NBPF20: variants seen among roughly 807,000 people sequenced by gnomAD.
The protein encoded by NBPF20 is NBPF family member NBPF20.
A neutral mutation model predicts 68.1 loss-of-function variants in NBPF20; 90 were observed. The ratio of observed to expected loss-of-function variants is 1.32; its 90% CI spans 1.11 to 1.58. The LOEUF is 1.58. Ranked by LOEUF, NBPF20 falls within the 40% of genes most tolerant of loss-of-function variation. The pLI is 0.00. For synonymous variants in NBPF20, 290 were observed against 228.1 expected, an observed-to-expected ratio of 1.27 and a Z score of -2.45; for missense variants, 816 against 601.2, an observed-to-expected ratio of 1.36 and a Z score of -3.74.
At position 145,402,462 on chromosome 1, in the gene NBPF20, T is replaced by C. The variant is rs1265399923; in HGVS notation, c.279-81A>G. ...AATATTGCAACAGAGATTTCTGAGATAATGTCCTCAAGGAGACCTCGAAGC... is the reference window on the plus strand; with the variant it reads ...AATATTGCAACAGAGATTTCTGAGACAATGTCCTCAAGGAGACCTCGAAGC... On this transcript the variant is annotated intron_variant, in intron 3 of 137. Transcript: ENST00000369373. 733 of 1,526,450 alleles carry C rather than the reference T, an allele frequency of 4.8e-4. 1 individual carries two copies. Among genetic ancestry groups the C allele is most frequent in the East Asian group, 3.0e-3 (134 of 44,464 alleles). 94.6% of individuals were successfully genotyped at this position (1,526,450 alleles called of 1,614,324 possible). A position where few individuals can be genotyped will look rare whatever the true frequency, so the allele number is the denominator to read the frequency against.
exon 138 of NBPF20, chr1:145,291,487 G>C (rs782065342): frequency 8.1e-6 from 13 of 1,611,886 alleles, no homozygotes; most frequent in African/African-American, 5.3e-5. Context: ...TATAGGTCCT[G>C]CCTGCAGGAA....
chr1:145,395,161 A>G lies in NBPF20; in HGVS notation c.828-20T>C, dbSNP rs1403409475. 7.0e-7 allele frequency: 1 copy of G among 1,420,804 alleles called. No homozygotes were observed. Among genetic ancestry groups the G allele is most frequent in the South Asian group, 1.2e-5 (1 of 86,462 alleles). The allele number at this position is 1,420,804 out of a possible 1,614,324, so 88.0% of individuals were successfully genotyped here. A position where few individuals can be genotyped will look rare whatever the true frequency, so the allele number is the denominator to read the frequency against. ...AGATTCCTGATGAGCCAGGCAGGAC[A>G]GGGATGATAGAAGATTTAACCAACA... On this transcript the variant is annotated intron_variant, in intron 7 of 137. Transcript: ENST00000369373.
At chr1:145,414,992 C>T in the NBPF20 span, among the ~76,000 whole-genome samples, 6 of 152,080 alleles carry the variant, frequency 3.9e-5, no homozygotes, top group African/African-American at 9.7e-5. Context: ...CCCAGGGGAC[C>T]GGCGTTCAGC....
At chr1:145,393,458 A>ACAAAC (rs1349838912) in intron 9 of NBPF20, among the ~76,000 whole-genome samples, 1 of 145,160 alleles carries the variant, frequency 6.9e-6, no homozygotes, top group African/African-American at 2.6e-5. Context: ...CACACACACA[A>ACAAAC]ACACACACAC....
At position 145,401,149 on chromosome 1, in the gene NBPF20, T is replaced by A; in HGVS notation, c.494-18A>T. The A allele has an allele frequency of 6.3e-7, 1 of 1,598,570 alleles. No homozygotes were observed. Among genetic ancestry groups the A allele is most frequent in the Non-Finnish European group, 8.5e-7 (1 of 1,175,858 alleles). ...GTCATTTTCTGTAAATACAGAAGTG[T>A]TCGTTCAGATATTTCCCACTTCACA... On this transcript the variant is annotated intron_variant, in intron 4 of 137. Coordinates refer to ENST00000369373, the Ensembl canonical transcript of NBPF20.
intron 7 of NBPF20, among the ~76,000 whole-genome samples, chr1:145,396,705 T>C (rs1462565939): frequency 1.5e-5 from 2 of 130,612 alleles, no homozygotes; most frequent in Non-Finnish European, 3.2e-5. Context: ...TTCAACATTC[T>C]TTTTTTTTTC....
At position 145,292,478 on chromosome 1, in the gene NBPF20, T is replaced by A. The variant is rs782115191; in HGVS notation, c.16600A>T (p.Lys5534Ter). The stretch of plus-strand genomic sequence containing the variant: ...CCCCTTCTTTTCTTCCCCTTCCCCT[T>A]CTTTTCAATTTCTGCAATAAATTCA... The change falls in exon 137 of 138, where the codon AAG becomes TAG. Residue 5534 changes from lysine to a stop codon, truncating the protein, a stop_gained. Coordinates refer to ENST00000369373, the Ensembl canonical transcript of NBPF20. LOFTEE classifies it high-confidence loss of function. 19 of 716,690 alleles carry A rather than the reference T, an allele frequency of 2.7e-5. No individual in the cohort carries two copies. The highest frequency in any genetic ancestry group is 1.2e-4 in the East Asian group (5 of 40,582). The allele number at this position is 716,690 out of a possible 1,614,324, so 44.4% of individuals were successfully genotyped here.
At chr1:145,289,907 G>A (rs1269854688) in exon 138 of NBPF20, 1 of 99,984 alleles carries the variant, frequency 1.0e-5, no homozygotes, top group Non-Finnish European at 1.9e-5. Flanking sequence ...ACATGGAAAT[G>A]AAATGTTTTT....
chr1:145,292,848 T>C (rs1661225287), intron 136 of NBPF20, among the ~76,000 whole-genome samples: 1 of 65,408 alleles, frequency 1.5e-5, no homozygotes, highest in Admixed American at 1.8e-4. Context: ...ACTCAGATTG[T>C]TCATGGTTGT....
At chr1:145,292,241 C>A (rs1344148746) in intron 137 of NBPF20, 140 bp downstream of exon 142, 2 of 656,010 alleles carry the variant, frequency 3.0e-6, no homozygotes, top group South Asian at 1.8e-5. Flanking sequence ...ACATCTACTG[C>A]AATGAAAACC....
intron 9 of NBPF20, among the ~76,000 whole-genome samples, chr1:145,393,499 C>G (rs1662036428): frequency 6.6e-6 from 1 of 150,580 alleles, no homozygotes; most frequent in Non-Finnish European, 1.5e-5. Context: ...ACAGAGCGAG[C>G]TCAGTGAATT....
exon 4 of NBPF20, chr1:145,402,232 T>A (rs1662555204): frequency 6.2e-7 from 1 of 1,606,960 alleles, no homozygotes; most frequent in South Asian, 1.1e-5. Context: ...TTCTTGGAGG[T>A]CCTGCCCCTG....
rs1424086818 is a variant in NBPF20 at position 145,292,286 on chromosome 1, T to A, written c.16697+95A>T. 4.6e-5 allele frequency: 28 copies of A among 609,230 alleles called. 3 individuals are homozygous for A. The African/African-American group carries it at 5.3e-4, about 12-fold the overall frequency. The allele number at this position is 609,230 out of a possible 1,614,324, so 37.7% of individuals were successfully genotyped here. The stretch of plus-strand genomic sequence containing the variant: ...GACAGTAGGAGTAATTCAGCCTTCG[T>A]TGAAAACATGACATCAAACACACTC... On this transcript the variant is annotated intron_variant, in intron 137 of 137. Transcript: ENST00000369373.
exon 138 of NBPF20, chr1:145,291,683 A>T (rs782515750): frequency 1.2e-6 from 2 of 1,611,902 alleles, no homozygotes; most frequent in South Asian, 2.2e-5. Flanking sequence ...AGGTAGTTCA[A>T]AGTACATTGA....
exon 138 of NBPF20, chr1:145,291,709 T>A (rs369217887): frequency 1.4e-5 from 23 of 1,611,728 alleles, no homozygotes; most frequent in Middle Eastern, 4.5e-4. Flanking sequence ...TAGAATAACA[T>A]CCATCCAGTG....
chr1:145,393,610 T>C, intron 9 of NBPF20: 2 of 709,544 alleles, frequency 2.8e-6, no homozygotes, highest in South Asian at 3.7e-5. Context: ...CCTCAATAAT[T>C]TTGCATAAAA....
chr1:145,292,377 T>A lies in NBPF20; in HGVS notation c.16697+4A>T. 2 of 677,196 alleles carry A rather than the reference T, an allele frequency of 3.0e-6. No homozygotes were observed. The highest frequency in any genetic ancestry group is 2.6e-6 in the Non-Finnish European group (1 of 382,820). 41.9% of individuals were successfully genotyped at this position (677,196 alleles called of 1,614,324 possible). On this transcript the variant is annotated splice_donor_region_variant and intron_variant, in intron 137 of 137. Transcript: ENST00000369373. ...ATTAAGCATCCACAATTGCTGAAAG[T>A]CACCTGGGGCATGGTGGGTTTTGAT...
chr1:145,411,189 G>A, the NBPF20 span, among the ~76,000 whole-genome samples: 5 of 144,238 alleles, frequency 3.5e-5, no homozygotes, highest in South Asian at 2.2e-4. Flanking sequence ...CCAAAATGCC[G>A]GTTGGAATTT....
At chr1:145,377,951 A>C (rs1283210509) in intron 29 of NBPF20, 92 bp downstream of exon 34, 1 of 416,852 alleles carries the variant, frequency 2.4e-6, no homozygotes, top group Non-Finnish European at 4.1e-6. Flanking sequence ...CCTTCGTTGA[A>C]AACATGAAAT....
Sources: allele counts gnomAD v4.1 joint callset (sites outside exome capture counted in the v4.1 genomes callset), GRCh38; gene constraint gnomAD v4.1.1; transcripts MANE v1.5; gene names NCBI Gene and HGNC (gene_info 2026-07-23, HGNC 2026-07-21).